SNAP47: variants seen among roughly 807,000 people sequenced by gnomAD.
The protein encoded by SNAP47 is synaptosomal-associated protein 47.
In SNAP47, 20 loss-of-function variants were observed where a neutral mutation model predicts 31.4. The ratio of observed to expected loss-of-function variants is 0.64; its 90% CI spans 0.45 to 0.93. SNAP47 has a LOEUF of 0.93. SNAP47 is among the 40% of genes least tolerant of loss of function. The probability of loss-of-function intolerance (pLI) is 0.00; values close to 1 mark genes in which losing one functional copy is unlikely to be tolerated. For missense variants in SNAP47, 492 were observed against 528.5 expected (o/e 0.93, Z 0.68); for synonymous variants, 194 against 213.4 (o/e 0.91, Z 0.79).
Position 227,735,519 on chromosome 1 carries a change from T to G in SNAP47, c.-46+20T>G, listed in dbSNP as rs1661067031. On this transcript the variant is annotated intron_variant, in intron 1 of 4. Transcript: ENST00000617596. ...CCTCAGGTGAGCGACGGTGTTGGTCTGTTGGGCGCCCGGCCCAAGCCAAGC... is the reference window on the plus strand; with the variant it reads ...CCTCAGGTGAGCGACGGTGTTGGTCGGTTGGGCGCCCGGCCCAAGCCAAGC... 1.5e-6 allele frequency: 2 copies of G among 1,378,300 alleles called. No individual in the cohort carries two copies. The highest frequency in any genetic ancestry group is 1.9e-6 in the Non-Finnish European group (2 of 1,073,784). The allele number at this position is 1,378,300 out of a possible 1,614,324, so 85.4% of individuals were successfully genotyped here.
chr1:227,748,249 A>G lies in SNAP47; in HGVS notation c.497+16A>G, dbSNP rs1662109268. On this transcript the variant is annotated intron_variant, in intron 2 of 4. Transcript: ENST00000617596. The stretch of plus-strand genomic sequence containing the variant: ...TGGCGGACAGGTGGGCTTGCTGTGT[A>G]CACTTTGCAAGGCACACACAGAGTA... 6.5e-7 allele frequency: 1 copy of G among 1,545,306 alleles called. No homozygotes were observed. Among genetic ancestry groups the G allele is most frequent in the African/African-American group, 1.4e-5 (1 of 72,928 alleles).
chr1:227,740,435 G>C (rs963911136), intron 1 of SNAP47, among the ~76,000 whole-genome samples: 2 of 152,202 alleles, frequency 1.3e-5, no homozygotes, highest in African/African-American at 2.4e-5. Context: ...GAGGTCAGGA[G>C]GTTGCCTGAG....
At chr1:227,755,180 ACT>A (rs1461344032) in intron 2 of SNAP47, among the ~76,000 whole-genome samples, 2 of 151,540 alleles carry the variant, frequency 1.3e-5, no homozygotes, top group African/African-American at 4.9e-5. Flanking sequence ...CAGCCCAGAC[ACT>A]CCTTTCAGTT....
At chr1:227,765,566 C>A (rs1304850142) in intron 3 of SNAP47, among the ~76,000 whole-genome samples, 1 of 152,216 alleles carries the variant, frequency 6.6e-6, no homozygotes, top group Non-Finnish European at 1.5e-5. Context: ...AGAGAGCACC[C>A]ACATACAGCT....
chr1:227,775,956 C>T (rs146452779), intron 4 of SNAP47: 34,757 of 1,287,326 alleles, frequency 0.027, 584 homozygotes, highest in Non-Finnish European at 0.033. Flanking sequence ...AGGCCCACAG[C>T]GCCCAGGGCA....
chr1:227,743,571 G>T (rs554213739), intron 1 of SNAP47, among the ~76,000 whole-genome samples: 2 of 152,208 alleles, frequency 1.3e-5, no homozygotes, highest in African/African-American at 4.8e-5. Context: ...GCAGTCCCAG[G>T]CCTTGCAGGC....
At chr1:227,764,599 T>C (rs936617602) in intron 3 of SNAP47, among the ~76,000 whole-genome samples, 2 of 149,250 alleles carry the variant, frequency 1.3e-5, no homozygotes, top group Non-Finnish European at 3.0e-5. Context: ...AAGACCCCCG[T>C]CTCTATAAAA....
At chr1:227,735,724 G>A in intron 1 of SNAP47, 1 of 983,516 alleles carries the variant, frequency 1.0e-6, no homozygotes, top group Non-Finnish European at 1.2e-6. Context: ...GGGACCCGGA[G>A]AGAACGGTGG....
chr1:227,729,588 G>A (rs1660509843), intron 1 of SNAP47, among the ~76,000 whole-genome samples: 1 of 152,162 alleles, frequency 6.6e-6, no homozygotes, highest in South Asian at 2.1e-4. Context: ...TGGGCTTCAG[G>A]GTAGCTGGCC....
chr1:227,733,987 C>G (rs774215315), upstream of SNAP47: 3 of 1,613,910 alleles, frequency 1.9e-6, no homozygotes, highest in East Asian at 2.2e-5. Flanking sequence ...GCCAGTCGGA[C>G]GAGAAGTACA....
chr1:227,746,997 A>G (rs1232821116), intron 1 of SNAP47: 2 of 152,240 alleles, frequency 1.3e-5, no homozygotes, highest in African/African-American at 4.8e-5. Context: ...AAGACTTTCC[A>G]AACTGTACTG....
chr1:227,728,282 A>C (rs888745620), upstream of SNAP47, among the ~76,000 whole-genome samples: 1 of 151,078 alleles, frequency 6.6e-6, no homozygotes, highest in Non-Finnish European at 1.5e-5. Context: ...CCGGAACACA[A>C]GGGTAGGGAA....
intron 1 of SNAP47, chr1:227,745,637 G>A (rs181386681): frequency 6.6e-6 from 1 of 152,290 alleles, no homozygotes; most frequent in Admixed American, 6.5e-5. Context: ...CAGCTGTCTC[G>A]GCACAGCGGG....
intron 1 of SNAP47, among the ~76,000 whole-genome samples, chr1:227,738,770 T>A (rs1661401692): frequency 6.6e-6 from 1 of 152,104 alleles, no homozygotes; most frequent in South Asian, 2.1e-4. Flanking sequence ...TGGAATATGG[T>A]TCCGAGTTTG....
chr1:227,766,284 CA>C (rs1663396108), intron 3 of SNAP47, among the ~76,000 whole-genome samples: 1 of 152,238 alleles, frequency 6.6e-6, no homozygotes, highest in Admixed American at 6.5e-5. Context: ...TGCAGAAGAG[CA>C]AACAACATTG....
At chr1:227,736,502 G>GTTTTTTTTTTTTTTTTTTT (rs71180760) in intron 1 of SNAP47, 1 of 44,370 alleles carries the variant, frequency 2.3e-5, no homozygotes, top group African/African-American at 8.8e-5. Context: ...GCCCAGAGCA[G>GTTTTTTTTTTTTTTTTTTT]TTTTTTTTTT....
At chr1:227,732,017 A>G (rs1371944620), upstream of SNAP47, 1 of 292,308 alleles carries the variant, frequency 3.4e-6, no homozygotes, top group Non-Finnish European at 6.6e-6. Flanking sequence ...GGGTGGTCCA[A>G]TGGCCTGAGA....
At chr1:227,769,382 G>A (rs1663645766) in intron 4 of SNAP47, among the ~76,000 whole-genome samples, 1 of 152,122 alleles carries the variant, frequency 6.6e-6, no homozygotes. Flanking sequence ...CTTGCAGGAG[G>A]AGCCTAGTTT....
chr1:227,759,333 C>G lies in SNAP47; in HGVS notation c.836C>G (p.Ala279Gly). The G allele has an allele frequency of 1.2e-6, 2 of 1,614,206 alleles. No individual in the cohort carries two copies. The highest frequency in any genetic ancestry group is 1.7e-6 in the Non-Finnish European group (2 of 1,180,040). The change falls in exon 3 of 5, where the codon GCC (alanine) becomes GGC (glycine). Residue 279 changes from alanine (A) to glycine (G), a missense_variant. Physicochemically the swap from Ala to Gly is moderately conservative, Grantham distance 60 (BLOSUM62 0). Transcript: ENST00000617596. ...CGGTTTATTGGAAAGCCAGACATGGCCTATCGTTTGATATCTGCCAAGATG... is the reference window on the plus strand; with the variant it reads ...CGGTTTATTGGAAAGCCAGACATGGGCTATCGTTTGATATCTGCCAAGATG... ...RQRFIGKPDM[A>G]YRLISAKMPE...
Sources: allele counts gnomAD v4.1 joint callset (sites outside exome capture counted in the v4.1 genomes callset), GRCh38; gene constraint gnomAD v4.1.1; transcripts MANE v1.5; gene names NCBI Gene and HGNC (gene_info 2026-07-23, HGNC 2026-07-21).